HUNK: variants seen among roughly 807,000 people sequenced by gnomAD.
The protein encoded by HUNK is hormonally up-regulated Neu-associated kinase, also known as hormonally up-regulated neu tumor-associated kinase.
In HUNK, 21 loss-of-function variants were observed where a neutral mutation model predicts 61.0. That is an observed-to-expected ratio of 0.34 (90% CI 0.24 to 0.50). HUNK has a LOEUF of 0.50. Among genes scored for constraint, HUNK ranks in the 20% least tolerant of loss-of-function variants. HUNK has a pLI of 0.98. For missense variants in HUNK, 772 were observed against 945.7 expected (o/e 0.82, Z 2.41); for synonymous variants, 371 against 386.1 (o/e 0.96, Z 0.46).
intron 1 of HUNK, among the ~76,000 whole-genome samples, chr21:31,914,586 C>T (rs1022332481): frequency 6.6e-6 from 1 of 152,050 alleles, no homozygotes; most frequent in African/African-American, 2.4e-5. Flanking sequence ...GAGTGGGTGG[C>T]TTAAAACAAC....
chr21:31,975,391 A>G (rs1160091450), intron 7 of HUNK, among the ~76,000 whole-genome samples: 2 of 152,200 alleles, frequency 1.3e-5, no homozygotes, highest in Non-Finnish European at 1.5e-5. Context: ...TCTCTCTCCA[A>G]ATGGACAATG....
Position 31,873,572 on chromosome 21 carries a change from C to A in HUNK, c.-103C>A. Reference sequence around the variant, plus strand: ...GTGCGGAGACCCAGGCGGGGCTGGGCCCAGGGCGGCGGCGGGAGAAGCCGG... The same window carrying A: ...GTGCGGAGACCCAGGCGGGGCTGGGACCAGGGCGGCGGCGGGAGAAGCCGG... On this transcript the variant is annotated 5_prime_UTR_variant, in exon 1 of 11. Transcript: ENST00000270112. The surrounding 1 kb of genome is among the most constrained non-coding windows in gnomAD (Gnocchi z 6.1). 1 of 908,196 alleles carries A rather than the reference C, an allele frequency of 1.1e-6. No individual in the cohort carries two copies. Among genetic ancestry groups the A allele is most frequent in the Non-Finnish European group, 1.3e-6 (1 of 759,426 alleles). 56.3% of individuals were successfully genotyped at this position (908,196 alleles called of 1,614,324 possible).
chr21:31,977,823 A>G (rs760620508), intron 7 of HUNK, among the ~76,000 whole-genome samples: 1 of 152,174 alleles, frequency 6.6e-6, no homozygotes, highest in Non-Finnish European at 1.5e-5. Flanking sequence ...GCTACTCAGG[A>G]GGCTGAGGCA....
At chr21:31,910,232 G>C (rs1038857409) in intron 1 of HUNK, among the ~76,000 whole-genome samples, 2 of 152,158 alleles carry the variant, frequency 1.3e-5, no homozygotes, top group African/African-American at 2.4e-5. Flanking sequence ...GGAAACCTGA[G>C]ATCAAGGGGT....
At chr21:31,889,842 G>A (rs2052373542) in intron 1 of HUNK, among the ~76,000 whole-genome samples, 2 of 152,270 alleles carry the variant, frequency 1.3e-5, no homozygotes, top group South Asian at 4.1e-4. Flanking sequence ...CTGAGAATGT[G>A]CGGGGTAACA....
intron 2 of HUNK, among the ~76,000 whole-genome samples, chr21:31,928,047 GTCATAACGCTGC>G (rs2052672947): frequency 6.6e-6 from 1 of 152,206 alleles, no homozygotes; most frequent in Admixed American, 6.5e-5. Flanking sequence ...AGCCTGAGGT[GTCATAACGCTGC>G]TGTTATTAGG....
rs576162040 is a variant in HUNK, at chr21:31,958,887, C to T, written c.791C>T (p.Thr264Met). ...YAMLTGTLPF[T>M]VEPFSLRALY... Reference sequence around the variant, plus strand: ...ATGTTGACCGGGACGCTGCCTTTCACGGTGGAGCCTTTCAGCCTGAGGGCT... The same window carrying T: ...ATGTTGACCGGGACGCTGCCTTTCATGGTGGAGCCTTTCAGCCTGAGGGCT... Residue 264 changes from threonine to methionine, a missense_variant, in exon 5 of 11, where the codon ACG (threonine) becomes ATG (methionine). By Grantham distance (81) the Thr-to-Met change is moderately conservative (BLOSUM62 -1). Coordinates refer to ENST00000270112, the MANE Select transcript of HUNK (RefSeq NM_014586.2). The T allele has an allele frequency of 8.1e-6, 13 of 1,610,170 alleles. No individual in the cohort carries two copies. Among genetic ancestry groups the T allele is most frequent in the African/African-American group, 2.7e-5 (2 of 74,908 alleles).
chr21:31,935,090 G>T (rs1240997939), intron 2 of HUNK, among the ~76,000 whole-genome samples: 3 of 152,132 alleles, frequency 2.0e-5, no homozygotes, highest in African/African-American at 7.2e-5. Flanking sequence ...GGTCTGGGTT[G>T]CTCACTGTTC....
At chr21:31,968,910 G>T (rs141690873) in intron 6 of HUNK, among the ~76,000 whole-genome samples, 216 of 150,300 alleles carry the variant, frequency 1.4e-3, no homozygotes, top group Non-Finnish European at 2.7e-3. Context: ...ACATAGTCTG[G>T]CTCTGTCACC....
chr21:31,999,109 C>T lies in HUNK; in HGVS notation c.2070C>T (p.Ser690=), dbSNP rs182881755. ...CTGCAGATAGGCCCCTGGAGGCCAG[C>T]CTGCCCCCACTGCAGCCCCTAGCCC... ...QPSADRPLEA[S]LPPLQPLAPV... The change falls in exon 11 of 11, where the codon AGC becomes AGT. Residue 690 remains serine, a synonymous_variant. Transcript: ENST00000270112. 5.6e-6 allele frequency: 9 copies of T among 1,614,208 alleles called. No individual in the cohort carries two copies. In the East Asian group the frequency reaches 1.8e-4, roughly 32 times the overall value.
In HUNK at chr21:31,999,116, C is replaced by G; in HGVS notation, c.2077C>G (p.Pro693Ala). The G allele has an allele frequency of 1.2e-6, 2 of 1,614,210 alleles. No homozygotes were observed. Among genetic ancestry groups the G allele is most frequent in the Non-Finnish European group, 1.7e-6 (2 of 1,180,026 alleles). The change falls in exon 11 of 11, where the codon CCA (proline) becomes GCA (alanine). Residue 693 changes from proline to alanine, a missense_variant. Pro to Ala is a conservative substitution (Grantham distance 27, BLOSUM62 -1). Coordinates refer to ENST00000270112, the MANE Select transcript of HUNK (RefSeq NM_014586.2). ...TAGGCCCCTGGAGGCCAGCCTGCCCCCACTGCAGCCCCTAGCCCCTGTGAA... is the reference window on the plus strand; with the variant it reads ...TAGGCCCCTGGAGGCCAGCCTGCCCGCACTGCAGCCCCTAGCCCCTGTGAA... The part of the protein sequence containing the change: ...ADRPLEASLP[P>A]LQPLAPVNLA...
rs2053233859 is a variant in HUNK at position 31,999,755 on chromosome 21, G to C, written c.*571G>C. The C allele has an allele frequency of 1.2e-5, 2 of 161,762 alleles. No homozygotes were observed. The highest frequency in any genetic ancestry group is 2.7e-5 in the Non-Finnish European group (2 of 74,798). The allele number at this position is 161,762 out of a possible 1,614,324, so 10.0% of individuals were successfully genotyped here. A position where few individuals can be genotyped will look rare whatever the true frequency, so the allele number is the denominator to read the frequency against. On this transcript the variant is annotated 3_prime_UTR_variant, in exon 11 of 11. Transcript: ENST00000270112. ...CTTCGGACCAAGATCAAACCAAACA[G>C]TGGGGACCCCAACAGAAGAGAAAGA...
At chr21:31,966,534 G>A (rs1438727125) in intron 5 of HUNK, among the ~76,000 whole-genome samples, 7 of 152,178 alleles carry the variant, frequency 4.6e-5, no homozygotes, top group African/African-American at 1.7e-4. Context: ...TGACCATGGA[G>A]GTTGACCTGG....
chr21:31,952,685 A>T (rs1176647719), intron 4 of HUNK, among the ~76,000 whole-genome samples: 10 of 151,530 alleles, frequency 6.6e-5, no homozygotes, highest in African/African-American at 2.4e-4. Context: ...TTTGTATTTC[A>T]TAAGTAAGGG....
intron 6 of HUNK, among the ~76,000 whole-genome samples, chr21:31,970,495 C>A (rs1044308849): frequency 4.6e-5 from 7 of 152,240 alleles, no homozygotes; most frequent in South Asian, 2.1e-4. Context: ...AAATACTACT[C>A]CAAAGCGAGG....
intron 1 of HUNK, among the ~76,000 whole-genome samples, chr21:31,894,340 A>G (rs2052410873): frequency 6.6e-6 from 1 of 152,074 alleles, no homozygotes; most frequent in Non-Finnish European, 1.5e-5. Context: ...TGCTCTTTCC[A>G]TTTTCGTAAA....
At chr21:31,890,061 C>T (rs1231668932) in intron 1 of HUNK, among the ~76,000 whole-genome samples, 1 of 152,112 alleles carries the variant, frequency 6.6e-6, no homozygotes, top group Non-Finnish European at 1.5e-5. Context: ...AGTTAAGTCA[C>T]AGGTATATTC....
In HUNK at chr21:32,000,833, G is replaced by T; in HGVS notation, c.*1649G>T. 1 of 398,146 alleles carries T rather than the reference G, an allele frequency of 2.5e-6. No individual in the cohort carries two copies. The highest frequency in any genetic ancestry group is 1.4e-4 in the South Asian group (1 of 7,342). The allele number at this position is 398,146 out of a possible 1,614,324, so 24.7% of individuals were successfully genotyped here. ...AGCGGGACAGAATGGATATTTGGCT[G>T]ACCTTGGTGAGACCTGGAGCTGCCT... On this transcript the variant is annotated 3_prime_UTR_variant, in exon 11 of 11. Transcript: ENST00000270112.
At chr21:31,880,177 C>T (rs999771750) in intron 1 of HUNK, among the ~76,000 whole-genome samples, 2 of 152,190 alleles carry the variant, frequency 1.3e-5, no homozygotes, top group African/African-American at 4.8e-5. Context: ...CGTGCACATT[C>T]TTGTTAGATG....
Sources: gnomAD v4.1 joint callset for allele counts (sites outside exome capture counted in the v4.1 genomes callset) on GRCh38, gnomAD v4.1.1 for gene constraint, Gnocchi (gnomAD v3.1) non-coding constraint, MANE v1.5 for transcripts, NCBI Gene and HGNC (gene_info 2026-07-23, HGNC 2026-07-21) for gene names.